The following NMRAL1 variants were observed in gnomAD, a reference collection of about 807,000 sequenced individuals.
NMRAL1 encodes the protein NmrA like redox sensor 1, also known as nmrA-like family domain-containing protein 1.
NMRAL1 carries 32 observed loss-of-function variants against 27.5 expected under a neutral mutation model. The observed-to-expected ratio is 1.16, with a 90% CI of 0.88 to 1.56. The LOEUF (loss-of-function observed/expected upper bound fraction) is 1.56. Among genes scored for constraint, NMRAL1 ranks in the 40% most tolerant of loss-of-function variants. The probability of loss-of-function intolerance (pLI) is 0.00; values close to 1 mark genes in which losing one functional copy is unlikely to be tolerated. For synonymous variants in NMRAL1, 166 were observed against 166.8 expected, an observed-to-expected ratio of 1.00 and a Z score of 0.04; for missense variants, 420 against 392.0, an observed-to-expected ratio of 1.07 and a Z score of -0.60.
Position 4,470,946 on chromosome 16 carries a change from C to CAA in NMRAL1, c.41-1483_41-1482dup, listed in dbSNP as rs56092245. Among the ~76,000 whole-genome samples the CAA allele has an allele frequency of 1.7e-3, 232 of 133,436 alleles. 3 individuals carry two copies. The South Asian group carries it at 0.02, about 11-fold the overall frequency. 87.5% of individuals were successfully genotyped at this position (133,436 alleles called of 152,430 possible). A position where few individuals can be genotyped will look rare whatever the true frequency, so the allele number is the denominator to read the frequency against. ...TGGACGACAGAGCAAGACTCCGTCT[C>CAA]AAAAAAAAAAAAAAATTAGCTGGGC... On this transcript the variant is annotated intron_variant, in intron 2 of 5. Transcript: ENST00000283429.
chr16:4,462,032 T>A, intron 5 of NMRAL1, 73 bp from the exon 6 acceptor site: 1 of 1,317,910 alleles, frequency 7.6e-7, no homozygotes, highest in Non-Finnish European at 1.1e-6. Context: ...GGAGGCCGGA[T>A]GGGCTGGGGT....
intron 4 of NMRAL1, 73 bp from the exon 5 acceptor site, chr16:4,463,923 G>T (rs1207408297): frequency 7.5e-6 from 10 of 1,337,646 alleles, no homozygotes; most frequent in Non-Finnish European, 8.4e-6. Flanking sequence ...CCTCTCCAAA[G>T]GGTCCAAGCT....
At chr16:4,465,719 AC>A (rs1459941544) in intron 4 of NMRAL1, among the ~76,000 whole-genome samples, 2 of 152,054 alleles carry the variant, frequency 1.3e-5, no homozygotes, top group Non-Finnish European at 2.9e-5. Context: ...GGTGGGTGGC[AC>A]CACGCCCAGC....
At chr16:4,474,439 G>C (rs1042372264) in intron 1 of NMRAL1, 115 bp downstream of exon 1, 8 of 404,922 alleles carry the variant, frequency 2.0e-5, no homozygotes, top group Non-Finnish European at 2.7e-5. Flanking sequence ...GCCGCGGCCT[G>C]GGCGGGACAA....
intron 3 of NMRAL1, among the ~76,000 whole-genome samples, chr16:4,468,354 G>C (rs935501062): frequency 6.6e-6 from 1 of 152,014 alleles, no homozygotes; most frequent in African/African-American, 2.4e-5. Context: ...TGTGGCTTAC[G>C]CCTGTAATCC....
intron 4 of NMRAL1, among the ~76,000 whole-genome samples, chr16:4,464,622 T>C (rs1451610972): frequency 2.0e-5 from 3 of 148,972 alleles, no homozygotes; most frequent in Admixed American, 1.3e-4. Flanking sequence ...TTTTTTTTTT[T>C]TTTTTTTTTT....
At chr16:4,467,963 T>G (rs2057393012) in intron 3 of NMRAL1, among the ~76,000 whole-genome samples, 1 of 151,812 alleles carries the variant, frequency 6.6e-6, no homozygotes, top group South Asian at 2.1e-4. Flanking sequence ...TCCTTTTTCG[T>G]GACAGTACCA....
At chr16:4,473,416 TAG>T (rs1336343396) in intron 2 of NMRAL1, among the ~76,000 whole-genome samples, 2 of 152,112 alleles carry the variant, frequency 1.3e-5, no homozygotes. Flanking sequence ...ATAAAGCTGT[TAG>T]AGATATTAAA....
intron 3 of NMRAL1, among the ~76,000 whole-genome samples, chr16:4,467,728 T>A (rs551770283): frequency 9.2e-5 from 14 of 151,814 alleles, no homozygotes; most frequent in African/African-American, 3.4e-4. Flanking sequence ...CAAGCAATTC[T>A]CCTGCCTCAG....
At chr16:4,463,561 G>A (rs775608024) in intron 5 of NMRAL1, 99 bp downstream of exon 5, 8 of 925,258 alleles carry the variant, frequency 8.6e-6, no homozygotes, top group Admixed American at 7.7e-5. Context: ...GAATTTAGAT[G>A]TACTGCCCAG....
At chr16:4,466,729 ACCCTG>A (rs2057345154) in intron 3 of NMRAL1, 2 of 317,292 alleles carry the variant, frequency 6.3e-6, no homozygotes, top group Non-Finnish European at 1.2e-5. Context: ...GTGTGAGAAC[ACCCTG>A]CCCATGGAGC....
rs552547324 is a variant in NMRAL1 at position 4,473,813 on chromosome 16, C to G, written c.40+280G>C. ...TGGTGGCATGCCCTTGTAATCCCAG[C>G]TACTCGGGAGGCTGAGACAGGAGAA... On this transcript the variant is annotated intron_variant, in intron 2 of 5. Transcript: ENST00000283429. Among the ~76,000 whole-genome samples the G allele has an allele frequency of 3.9e-5, 6 of 152,110 alleles. No individual in the cohort carries two copies. In the East Asian group the frequency reaches 7.7e-4, roughly 20 times the overall value.
rs1049137338 is a variant in NMRAL1 at position 4,469,667 on chromosome 16, TG to T, written c.41-203del. 5 of 1,117,706 alleles carry T rather than the reference TG, an allele frequency of 4.5e-6. No individual in the cohort carries two copies. In the Admixed American group the frequency reaches 1.5e-4, roughly 32 times the overall value. The allele number at this position is 1,117,706 out of a possible 1,614,324, so 69.2% of individuals were successfully genotyped here. A position where few individuals can be genotyped will look rare whatever the true frequency, so the allele number is the denominator to read the frequency against. ...CTCTATCACCCAGGCTGAAGTGCAG[TG>T]GCACGATCTTGGCTTGGTGAAACCC... is the stretch of plus-strand genomic sequence containing the variant. On this transcript the variant is annotated intron_variant, in intron 2 of 5. Coordinates refer to ENST00000283429, the MANE Select transcript of NMRAL1 (RefSeq NM_020677.6).
At chr16:4,466,636 C>A (rs1439339787) in intron 3 of NMRAL1, 3 of 556,324 alleles carry the variant, frequency 5.4e-6, no homozygotes, top group Non-Finnish European at 9.7e-6. Flanking sequence ...CCATGTGCAA[C>A]ATAGGACGGG....
chr16:4,469,030 G>C (rs914021111), intron 3 of NMRAL1, among the ~76,000 whole-genome samples, 197 bp downstream of exon 3: 1 of 150,898 alleles, frequency 6.6e-6, no homozygotes. Flanking sequence ...AGACTGAGAC[G>C]GCCTCAAACA....
At chr16:4,475,650 A>G (rs1013749839), upstream of NMRAL1, among the ~76,000 whole-genome samples, 1 of 151,976 alleles carries the variant, frequency 6.6e-6, no homozygotes, top group Non-Finnish European at 1.5e-5. Flanking sequence ...GTAAAACTAA[A>G]AAATGACTCT....
At chr16:4,462,159 G>A (rs1237140816) in intron 5 of NMRAL1, among the ~76,000 whole-genome samples, 200 bp from the exon 6 acceptor site, 1 of 152,226 alleles carries the variant, frequency 6.6e-6, no homozygotes, top group Non-Finnish European at 1.5e-5. Context: ...GCTCTCCTGA[G>A]CTGCCTGACA....
At chr16:4,462,928 C>A (rs970180586) in intron 5 of NMRAL1, among the ~76,000 whole-genome samples, 1 of 151,690 alleles carries the variant, frequency 6.6e-6, no homozygotes, top group Admixed American at 6.6e-5. Flanking sequence ...CATCTCGGCT[C>A]GCTGCAAACT....
chr16:4,474,376 G>A, intron 1 of NMRAL1, 178 bp downstream of exon 1: 1 of 495,478 alleles, frequency 2.0e-6, no homozygotes, highest in Non-Finnish European at 3.6e-6. Flanking sequence ...GCCTCCCCCG[G>A]TTCCAGTCAC....
Sources: gnomAD v4.1 joint callset for allele counts (sites outside exome capture counted in the v4.1 genomes callset) on GRCh38, gnomAD v4.1.1 for gene constraint, MANE v1.5 for transcripts, NCBI Gene and HGNC (gene_info 2026-07-23, HGNC 2026-07-21) for gene names.